The following PPARGC1A variants were observed in gnomAD, a reference collection of about 807,000 sequenced individuals.
PPARGC1A encodes PPARG coactivator 1 alpha.
Under a neutral mutation model 88.7 loss-of-function variants are expected in PPARGC1A, and 25 were observed. That is an observed-to-expected ratio of 0.28 (90% CI 0.21 to 0.39). The LOEUF is 0.39. PPARGC1A is among the 10% of genes least tolerant of loss of function. The pLI is 1.00. For synonymous variants in PPARGC1A, 363 were observed against 355.6 expected, an observed-to-expected ratio of 1.02 and a Z score of -0.24; for missense variants, 880 against 968.7, an observed-to-expected ratio of 0.91 and a Z score of 1.22.
chr4:24,093,213 G>T, the PPARGC1A span, among the ~76,000 whole-genome samples: 1 of 152,098 alleles, frequency 6.6e-6, no homozygotes, highest in African/African-American at 2.4e-5. Flanking sequence ...TAACTCCAAG[G>T]TCTACTCAAT....
chr4:24,193,229 A>G, the PPARGC1A span, among the ~76,000 whole-genome samples: 1 of 152,194 alleles, frequency 6.6e-6, no homozygotes, highest in Non-Finnish European at 1.5e-5. Flanking sequence ...GCTGTCTTCT[A>G]GCTGCAACTC....
At chr4:24,300,266 A>G in the PPARGC1A span, among the ~76,000 whole-genome samples, 1 of 135,996 alleles carries the variant, frequency 7.4e-6, no homozygotes, top group Non-Finnish European at 1.6e-5. Context: ...CGAATTTACT[A>G]CTGCTTTTAT....
At chr4:24,198,905 G>C in the PPARGC1A span, among the ~76,000 whole-genome samples, 1 of 152,182 alleles carries the variant, frequency 6.6e-6, no homozygotes, top group Admixed American at 6.5e-5. Flanking sequence ...ACTCTGAGCA[G>C]AAAGTGCCAG....
chr4:24,085,375 T>C, the PPARGC1A span, among the ~76,000 whole-genome samples: 1 of 152,234 alleles, frequency 6.6e-6, no homozygotes, highest in African/African-American at 2.4e-5. Context: ...TTCACTGAAC[T>C]TGTATCTGAA....
chr4:24,466,273 A>G, the PPARGC1A span, among the ~76,000 whole-genome samples: 1 of 152,246 alleles, frequency 6.6e-6, no homozygotes, highest in Admixed American at 6.5e-5. Context: ...AAACTTGGGC[A>G]AACAAAGGAG....
At chr4:23,899,216 A>G (rs1385956197) in intron 1 of PPARGC1A, 2 of 152,230 alleles carry the variant, frequency 1.3e-5, no homozygotes, top group East Asian at 1.9e-4. Context: ...AAAACAGGCC[A>G]CACCTAACAT....
chr4:23,992,666 T>TC, the PPARGC1A span, among the ~76,000 whole-genome samples: 1 of 54,090 alleles, frequency 1.8e-5, no homozygotes, highest in Non-Finnish European at 3.9e-5. Flanking sequence ...CATGTTCCCA[T>TC]TTTAAAAGAC....
chr4:24,249,431 C>T, the PPARGC1A span, among the ~76,000 whole-genome samples: 1 of 152,188 alleles, frequency 6.6e-6, no homozygotes, highest in Non-Finnish European at 1.5e-5. Context: ...ACAGGCCTTG[C>T]CCGTGGTTGT....
the PPARGC1A span, among the ~76,000 whole-genome samples, chr4:24,000,676 C>A: frequency 6.6e-6 from 1 of 152,030 alleles, no homozygotes; most frequent in Non-Finnish European, 1.5e-5. Context: ...CGTGACAGGA[C>A]TTATTGGATT....
chr4:23,845,571 T>G (rs980598994), intron 2 of PPARGC1A, among the ~76,000 whole-genome samples: 1 of 152,132 alleles, frequency 6.6e-6, no homozygotes, highest in Non-Finnish European at 1.5e-5. Flanking sequence ...TGAGGCCATC[T>G]AGGGTGAAAG....
the PPARGC1A span, among the ~76,000 whole-genome samples, chr4:24,151,097 A>C: frequency 2.0e-5 from 3 of 152,134 alleles, no homozygotes; most frequent in Admixed American, 6.5e-5. Context: ...CTAAATTCTT[A>C]TTGCCTCTTG....
chr4:24,362,033 TAAG>T, the PPARGC1A span, among the ~76,000 whole-genome samples: 3 of 152,210 alleles, frequency 2.0e-5, no homozygotes, highest in Non-Finnish European at 4.4e-5. Flanking sequence ...AATAAAACCT[TAAG>T]AAGAGCAAGA....
chr4:23,941,913 T>C, the PPARGC1A span, among the ~76,000 whole-genome samples: 1 of 152,170 alleles, frequency 6.6e-6, no homozygotes, highest in Non-Finnish European at 1.5e-5. Context: ...AGAATGACTT[T>C]ATCTAGATTT....
chr4:24,238,711 C>G, the PPARGC1A span, among the ~76,000 whole-genome samples: 5 of 149,888 alleles, frequency 3.3e-5, no homozygotes, highest in South Asian at 6.3e-4. Context: ...TCCAGAAGAT[C>G]TGTTAAGTGA....
At chr4:23,943,043 C>T in the PPARGC1A span, among the ~76,000 whole-genome samples, 1 of 152,102 alleles carries the variant, frequency 6.6e-6, no homozygotes, top group Non-Finnish European at 1.5e-5. Context: ...TTTATGTTGC[C>T]TTCATCCTGA....
At chr4:24,338,659 A>G in the PPARGC1A span, among the ~76,000 whole-genome samples, 104 of 152,142 alleles carry the variant, frequency 6.8e-4, no homozygotes, top group Non-Finnish European at 9.4e-4. Context: ...TCAACTATGC[A>G]TTCTCCATTA....
chr4:24,334,936 C>T, the PPARGC1A span, among the ~76,000 whole-genome samples: 1 of 152,184 alleles, frequency 6.6e-6, no homozygotes, highest in African/African-American at 2.4e-5. Flanking sequence ...GCTATGAACA[C>T]ATCGAGGCAA....
At chr4:23,962,562 T>C in the PPARGC1A span, among the ~76,000 whole-genome samples, 1 of 152,158 alleles carries the variant, frequency 6.6e-6, no homozygotes. Flanking sequence ...AAACTGGGTG[T>C]TGGAAACTCA....
At chr4:24,205,338 T>C in the PPARGC1A span, among the ~76,000 whole-genome samples, 2 of 152,098 alleles carry the variant, frequency 1.3e-5, no homozygotes, top group South Asian at 2.1e-4. Context: ...GCTCAATATA[T>C]ACTTTTTCGA....
Sources: allele counts gnomAD v4.1 joint callset (sites outside exome capture counted in the v4.1 genomes callset), GRCh38; gene constraint gnomAD v4.1.1; transcripts MANE v1.5; gene names NCBI Gene and HGNC (gene_info 2026-07-23, HGNC 2026-07-21).